NOL4: variants seen among roughly 807,000 people sequenced by gnomAD.
NOL4 encodes the protein nucleolar protein 4, also known as cancer/testis antigen 125.
Under a neutral mutation model 75.9 loss-of-function variants are expected in NOL4, and 17 were observed. The observed-to-expected ratio is 0.22, with a 90% CI of 0.15 to 0.34. The LOEUF (loss-of-function observed/expected upper bound fraction) is 0.34, where lower values mean the gene tolerates loss of function less well. NOL4 is among the 10% of genes least tolerant of loss of function. The probability of loss-of-function intolerance (pLI) is 1.00; values close to 1 mark genes in which losing one functional copy is unlikely to be tolerated. For synonymous variants in NOL4, 292 were observed against 289.9 expected, an observed-to-expected ratio of 1.01 and a Z score of -0.07; for missense variants, 614 against 793.5, an observed-to-expected ratio of 0.77 and a Z score of 2.72.
intron 10 of NOL4, among the ~76,000 whole-genome samples, chr18:33,858,956 A>G (rs912212799): frequency 3.3e-5 from 5 of 152,074 alleles, no homozygotes; most frequent in African/African-American, 1.2e-4. Context: ...AATGGTATAA[A>G]AATATTAATT....
chr18:33,886,696 C>T (rs1168623701), intron 9 of NOL4, among the ~76,000 whole-genome samples: 1 of 147,368 alleles, frequency 6.8e-6, no homozygotes, highest in Non-Finnish European at 1.5e-5. Flanking sequence ...ATGGCTAGCC[C>T]ATTCTCCATG....
intron 9 of NOL4, among the ~76,000 whole-genome samples, chr18:33,896,166 G>A (rs1453721108): frequency 6.6e-6 from 1 of 151,982 alleles, no homozygotes; most frequent in Non-Finnish European, 1.5e-5. Flanking sequence ...ACAAACAAAT[G>A]GAAAAACTTC....
chr18:34,016,708 C>T (rs1485624746), intron 6 of NOL4, among the ~76,000 whole-genome samples: 3 of 152,084 alleles, frequency 2.0e-5, no homozygotes, highest in Non-Finnish European at 2.9e-5. Flanking sequence ...TTCCTCTGTT[C>T]TTTCATTTCA....
chr18:34,039,796 T>G (rs1446576862), intron 5 of NOL4, among the ~76,000 whole-genome samples: 1 of 152,040 alleles, frequency 6.6e-6, no homozygotes, highest in Non-Finnish European at 1.5e-5. Flanking sequence ...AACTTAGCAA[T>G]TTTTTGACTT....
At chr18:33,914,956 G>A (rs1382404091) in intron 9 of NOL4, among the ~76,000 whole-genome samples, 1 of 152,086 alleles carries the variant, frequency 6.6e-6, no homozygotes, top group African/African-American at 2.4e-5. Context: ...TATTGAAAGT[G>A]GTGGGACTAC....
At chr18:33,989,987 C>G (rs774898952) in intron 6 of NOL4, among the ~76,000 whole-genome samples, 1 of 152,024 alleles carries the variant, frequency 6.6e-6, no homozygotes, top group Non-Finnish European at 1.5e-5. Flanking sequence ...GTACCAGGCT[C>G]TGTTCTAGAG....
At chr18:33,858,183 C>T (rs1237833672) in intron 10 of NOL4, among the ~76,000 whole-genome samples, 1 of 152,012 alleles carries the variant, frequency 6.6e-6, no homozygotes, top group East Asian at 1.9e-4. Context: ...CTTAAGAAGG[C>T]TTATTTTTCT....
chr18:33,967,721 AATT>A (rs1285940760), intron 6 of NOL4, among the ~76,000 whole-genome samples: 3 of 152,206 alleles, frequency 2.0e-5, no homozygotes, highest in African/African-American at 7.2e-5. Context: ...CATCATAATT[AATT>A]ATTAGCAAAA....
At chr18:33,879,093 ACTTTT>A (rs1367264740) in intron 10 of NOL4, among the ~76,000 whole-genome samples, 3 of 152,078 alleles carry the variant, frequency 2.0e-5, no homozygotes, top group Non-Finnish European at 2.9e-5. Flanking sequence ...TATTTGCATC[ACTTTT>A]CTTTTAATTT....
At chr18:33,989,090 G>C (rs2072709954) in intron 6 of NOL4, among the ~76,000 whole-genome samples, 1 of 149,278 alleles carries the variant, frequency 6.7e-6, no homozygotes, top group South Asian at 2.2e-4. Flanking sequence ...GGGAGGCTGA[G>C]GTGGGGAGGA....
At chr18:34,164,028 G>A (rs530246788) in intron 1 of NOL4, among the ~76,000 whole-genome samples, 2 of 152,270 alleles carry the variant, frequency 1.3e-5, no homozygotes, top group East Asian at 3.9e-4. Flanking sequence ...TGGGAAAACT[G>A]GCTAGCCATA....
intron 1 of NOL4, among the ~76,000 whole-genome samples, chr18:34,152,371 A>T (rs1019670842): frequency 6.6e-6 from 1 of 151,918 alleles, no homozygotes; most frequent in Admixed American, 6.6e-5. Context: ...AATAGACATG[A>T]CCAGGTGATG....
intron 1 of NOL4, among the ~76,000 whole-genome samples, chr18:34,196,615 T>C (rs1427299500): frequency 6.6e-6 from 1 of 152,150 alleles, no homozygotes; most frequent in Non-Finnish European, 1.5e-5. Context: ...ATTCACACTT[T>C]GTTAACTGCA....
chr18:34,173,495 C>A (rs1054879881), intron 1 of NOL4, among the ~76,000 whole-genome samples: 2 of 151,668 alleles, frequency 1.3e-5, no homozygotes, highest in East Asian at 1.9e-4. Flanking sequence ...TATATCAGAT[C>A]GTCATGTTGT....
intron 1 of NOL4, among the ~76,000 whole-genome samples, chr18:34,160,354 TTTA>T (rs932549050): frequency 2.6e-4 from 40 of 152,132 alleles, no homozygotes; most frequent in African/African-American, 9.2e-4. Flanking sequence ...GAAAAAAGAT[TTTA>T]TTGTGATATT....
intron 6 of NOL4, among the ~76,000 whole-genome samples, chr18:33,968,501 C>G (rs1404102399): frequency 6.6e-6 from 1 of 152,090 alleles, no homozygotes; most frequent in Non-Finnish European, 1.5e-5. Context: ...AGGTCATTAT[C>G]CTAAGGGAAT....
intron 5 of NOL4, among the ~76,000 whole-genome samples, chr18:34,029,884 T>C (rs940990208): frequency 1.3e-5 from 2 of 152,110 alleles, no homozygotes; most frequent in African/African-American, 4.8e-5. Context: ...CAACACAACA[T>C]AATAACCAAT....
chr18:34,172,375 GCATATGCATGTGTGTATATA>G (rs974096051), intron 1 of NOL4, among the ~76,000 whole-genome samples: 6 of 152,082 alleles, frequency 3.9e-5, no homozygotes, highest in Non-Finnish European at 7.4e-5. Flanking sequence ...ATTCCATTGT[GCATATGCATGTGTGTATATA>G]CATATACTAT....
At chr18:33,885,628 T>C (rs929215995) in intron 9 of NOL4, among the ~76,000 whole-genome samples, 2 of 152,140 alleles carry the variant, frequency 1.3e-5, no homozygotes, top group Middle Eastern at 3.2e-3. Context: ...AGGTATCATC[T>C]CGCCCCAGTT....
Sources: allele counts gnomAD v4.1 joint callset (sites outside exome capture counted in the v4.1 genomes callset), GRCh38; gene constraint gnomAD v4.1.1; transcripts MANE v1.5; gene names NCBI Gene and HGNC (gene_info 2026-07-23, HGNC 2026-07-21).